GNAT3: variants seen among roughly 807,000 people sequenced by gnomAD.
GNAT3 encodes the protein guanine nucleotide-binding protein G(t) subunit alpha-3.
Under a neutral mutation model 37.7 loss-of-function variants are expected in GNAT3, and 31 were observed. The ratio of observed to expected loss-of-function variants is 0.82; its 90% confidence interval spans 0.62 to 1.11. The LOEUF is 1.11. Ranked by LOEUF, GNAT3 falls within the 50% of genes most tolerant of loss-of-function variation. GNAT3 has a pLI of 0.00. For synonymous variants in GNAT3, 138 were observed against 139.8 expected, an observed-to-expected ratio of 0.99 and a Z score of 0.09; for missense variants, 437 against 412.5, an observed-to-expected ratio of 1.06 and a Z score of -0.51.
intron 1 of GNAT3, among the ~76,000 whole-genome samples, chr7:80,497,200 AAG>A (rs1790732894): frequency 6.6e-6 from 1 of 152,174 alleles, no homozygotes; most frequent in African/African-American, 2.4e-5. Flanking sequence ...TGCAATGCCC[AAG>A]AATGAAACAG....
chr7:80,504,813 TTTG>T (rs1790902168), intron 1 of GNAT3, among the ~76,000 whole-genome samples: 1 of 152,172 alleles, frequency 6.6e-6, no homozygotes, highest in Non-Finnish European at 1.5e-5. Context: ...TTATAATTGT[TTTG>T]TTGCATATTA....
intron 3 of GNAT3, 65 bp downstream of exon 3, chr7:80,488,470 G>C (rs1458715366): frequency 6.3e-5 from 83 of 1,317,900 alleles, no homozygotes; most frequent in Non-Finnish European, 1.1e-6. Flanking sequence ...AACTTATTAA[G>C]TCCTCTTATT....
intron 7 of GNAT3, among the ~76,000 whole-genome samples, chr7:80,461,845 G>T (rs552724594): frequency 1.3e-5 from 2 of 152,130 alleles, no homozygotes; most frequent in Non-Finnish European, 2.9e-5. Context: ...TGCCAATTTC[G>T]AATAAGATTT....
chr7:80,459,691 G>A (rs572400484), intron 7 of GNAT3, among the ~76,000 whole-genome samples: 9 of 152,266 alleles, frequency 5.9e-5, no homozygotes, highest in Admixed American at 3.3e-4. Context: ...TATGCTTTAA[G>A]GGGACTTGAC....
intron 3 of GNAT3, among the ~76,000 whole-genome samples, chr7:80,481,882 A>G (rs918930497): frequency 6.6e-6 from 1 of 152,168 alleles, no homozygotes; most frequent in African/African-American, 2.4e-5. Context: ...CAATCAGAAA[A>G]TAACTTAATT....
At chr7:80,502,789 C>G (rs1790860722) in intron 1 of GNAT3, among the ~76,000 whole-genome samples, 1 of 152,014 alleles carries the variant, frequency 6.6e-6, no homozygotes, top group Admixed American at 6.6e-5. Flanking sequence ...CTGCATTTCA[C>G]ATACCAGTGA....
At chr7:80,509,770 C>A (rs1791027082) in intron 1 of GNAT3, among the ~76,000 whole-genome samples, 1 of 151,994 alleles carries the variant, frequency 6.6e-6, no homozygotes, top group Non-Finnish European at 1.5e-5. Flanking sequence ...TACATTGAAC[C>A]TTTTTGACCC....
At chr7:80,479,408 GA>G (rs1293274339) in intron 3 of GNAT3, among the ~76,000 whole-genome samples, 1 of 149,614 alleles carries the variant, frequency 6.7e-6, no homozygotes, top group East Asian at 2.0e-4. Flanking sequence ...AATTTTTCTA[GA>G]AAAAAAAAGC....
chr7:80,494,117 T>G (rs1790667958), intron 2 of GNAT3, among the ~76,000 whole-genome samples: 1 of 152,164 alleles, frequency 6.6e-6, no homozygotes, highest in African/African-American at 2.4e-5. Flanking sequence ...ATTTCCTTAT[T>G]AAGGAATTCA....
rs150082548 is a variant in GNAT3 at position 80,462,476 on chromosome 7, T to C, written c.720+26A>G. 4.3e-4 allele frequency: 695 copies of C among 1,608,372 alleles called. 10 individuals are homozygous for C. The East Asian group carries it at 0.015, about 35-fold the overall frequency. On this transcript the variant is annotated intron_variant, in intron 6 of 7. Coordinates refer to ENST00000398291, the MANE Select transcript of GNAT3 (RefSeq NM_001102386.3). ...AAAGCACAAAGATTACTTTTAACCC[T>C]GGCTTTGTTTTTCCTTTAGACTTAC...
rs116678377 is a variant in GNAT3 at position 80,493,548 on chromosome 7, C to G, written c.161+1057G>C. 2.4e-4 allele frequency among the ~76,000 whole-genome samples: 37 copies of G among 152,132 alleles called. 1 individual carries two copies. The East Asian group carries it at 6.6e-3, about 27-fold the overall frequency. On this transcript the variant is annotated intron_variant, in intron 2 of 7. Transcript: ENST00000398291. ...TGGCCCAAAGAACAAGATCCTTTAA[C>G]ATATAATTTAAAAATATGCTCAAAA...
chr7:80,472,868 T>C (rs1218751854), intron 5 of GNAT3, among the ~76,000 whole-genome samples: 1 of 152,180 alleles, frequency 6.6e-6, no homozygotes, highest in Non-Finnish European at 1.5e-5. Flanking sequence ...TGCTAATTAT[T>C]AGGTAACCTG....
intron 1 of GNAT3, 92 bp from the exon 2 acceptor site, chr7:80,494,739 T>G: frequency 1.3e-6 from 1 of 779,210 alleles, no homozygotes; most frequent in Non-Finnish European, 2.2e-6. Context: ...TCTTTAATTT[T>G]TTTTAATAGG....
At chr7:80,467,528 AT>A (rs1294053832) in intron 5 of GNAT3, among the ~76,000 whole-genome samples, 2 of 151,884 alleles carry the variant, frequency 1.3e-5, no homozygotes, top group Non-Finnish European at 2.9e-5. Flanking sequence ...GTAGTCATTT[AT>A]TTTTCATACT....
chr7:80,461,595 A>T (rs1341185661), intron 7 of GNAT3, among the ~76,000 whole-genome samples: 1 of 152,084 alleles, frequency 6.6e-6, no homozygotes, highest in African/African-American at 2.4e-5. Flanking sequence ...AAAATAAATA[A>T]ATAAATAAAT....
At chr7:80,505,708 A>G (rs532687402) in intron 1 of GNAT3, among the ~76,000 whole-genome samples, 1 of 152,186 alleles carries the variant, frequency 6.6e-6, no homozygotes, top group Non-Finnish European at 1.5e-5. Context: ...AATTTTAAGT[A>G]GTAAATTTAT....
At chr7:80,502,965 C>A (rs1338966888) in intron 1 of GNAT3, among the ~76,000 whole-genome samples, 2 of 152,064 alleles carry the variant, frequency 1.3e-5, no homozygotes, top group African/African-American at 4.8e-5. Flanking sequence ...AGAATTTGCA[C>A]AATAGTAACA....
intron 1 of GNAT3, among the ~76,000 whole-genome samples, chr7:80,505,279 A>G (rs1302940978): frequency 6.6e-6 from 1 of 152,238 alleles, no homozygotes; most frequent in Non-Finnish European, 1.5e-5. Flanking sequence ...AAGGAAGTAG[A>G]TTAAATCAGA....
intron 2 of GNAT3, among the ~76,000 whole-genome samples, chr7:80,493,511 C>T (rs1016039257): frequency 1.3e-5 from 2 of 152,168 alleles, no homozygotes; most frequent in African/African-American, 4.8e-5. Flanking sequence ...GGCATCACTC[C>T]CTTATAAAAT....
Sources: allele counts gnomAD v4.1 joint callset (sites outside exome capture counted in the v4.1 genomes callset), GRCh38; gene constraint gnomAD v4.1.1; transcripts MANE v1.5; gene names NCBI Gene and HGNC (gene_info 2026-07-23, HGNC 2026-07-21).